The following METTL8 variants were observed in gnomAD, a reference collection of about 807,000 sequenced individuals.
METTL8 encodes the protein tRNA N(3)-cytidine methyltransferase METTL8, mitochondrial.
Under a neutral mutation model 48.7 loss-of-function variants are expected in METTL8, and 32 were observed. That is an observed-to-expected ratio of 0.66 (90% CI 0.50 to 0.88). The LOEUF (loss-of-function observed/expected upper bound fraction) is 0.88. Ranked by LOEUF, METTL8 falls within the 40% of genes least tolerant of loss-of-function variation. The pLI, the probability that METTL8 is intolerant of heterozygous loss-of-function variation, is 0.00. For missense variants in METTL8, 464 were observed against 474.4 expected, an observed-to-expected ratio of 0.98 and a Z score of 0.20; for synonymous variants, 136 against 157.1, an observed-to-expected ratio of 0.87 and a Z score of 1.01.
chr2:171,388,607 T>C (rs1477943449), intron 2 of METTL8, among the ~76,000 whole-genome samples: 1 of 152,242 alleles, frequency 6.6e-6, no homozygotes, highest in Admixed American at 6.5e-5. Context: ...CATTGTGCTA[T>C]GTACTGCAGG....
chr2:171,360,375 AG>A, intron 3 of METTL8, 46 bp downstream of exon 3: 9 of 1,530,012 alleles, frequency 5.9e-6, no homozygotes, highest in Non-Finnish European at 8.1e-6. Context: ...GAGGAGGAAA[AG>A]TCACTAAAGC....
At chr2:171,373,496 T>C (rs1214475787) in intron 2 of METTL8, among the ~76,000 whole-genome samples, 1 of 152,232 alleles carries the variant, frequency 6.6e-6, no homozygotes, top group African/African-American at 2.4e-5. Context: ...TAGATCACAT[T>C]TGTCAATTCT....
At position 171,320,288 on chromosome 2, in the gene METTL8, A is replaced by G. The variant is rs1301252125; in HGVS notation, c.*3884T>C. 1 of 152,134 alleles carries G rather than the reference A, an allele frequency of 6.6e-6. No homozygotes were observed. Among genetic ancestry groups the G allele is most frequent in the Non-Finnish European group, 1.5e-5 (1 of 68,034 alleles). 9.4% of individuals were successfully genotyped at this position (152,134 alleles called of 1,614,324 possible). ...CGCAGCCATGTGGAATAGGAAGGCT[A>G]TGCTGGACAGAGCCCAAAAGAGACC... is the stretch of plus-strand genomic sequence containing the variant. On this transcript the variant is annotated 3_prime_UTR_variant, in exon 10 of 10. Coordinates refer to ENST00000375258, the MANE Select transcript of METTL8 (RefSeq NM_001321154.2).
At chr2:171,417,228 A>C (rs1279930669) in intron 1 of METTL8, among the ~76,000 whole-genome samples, 2 of 152,216 alleles carry the variant, frequency 1.3e-5, no homozygotes, top group Non-Finnish European at 1.5e-5. Context: ...GGGATTCTCA[A>C]GTTCTGGTCC....
Position 171,322,944 on chromosome 2 carries a change from A to G in METTL8, c.*1228T>C, listed in dbSNP as rs1349674016. ...CATGGCATTTGTAAACTATCATGGCACTGGTGGGAGTGTAGCAGTGAGGAC... is the reference window on the plus strand; with the variant it reads ...CATGGCATTTGTAAACTATCATGGCGCTGGTGGGAGTGTAGCAGTGAGGAC... On this transcript the variant is annotated 3_prime_UTR_variant, in exon 10 of 10. Coordinates refer to ENST00000375258, the MANE Select transcript of METTL8 (RefSeq NM_001321154.2). The G allele has an allele frequency of 6.6e-6, 1 of 152,154 alleles. No homozygotes were observed. The highest frequency in any genetic ancestry group is 2.1e-4 in the South Asian group (1 of 4,830). 9.4% of individuals were successfully genotyped at this position (152,154 alleles called of 1,614,324 possible). A position where few individuals can be genotyped will look rare whatever the true frequency, so the allele number is the denominator to read the frequency against.
At chr2:171,391,867 A>C (rs1688609416) in intron 2 of METTL8, among the ~76,000 whole-genome samples, 176 bp downstream of exon 2, 1 of 152,230 alleles carries the variant, frequency 6.6e-6, no homozygotes, top group South Asian at 2.1e-4. Flanking sequence ...TTCCATTTGC[A>C]ATGAAATTCA....
At chr2:171,406,850 T>C (rs1450722300) in intron 1 of METTL8, among the ~76,000 whole-genome samples, 3 of 152,216 alleles carry the variant, frequency 2.0e-5, no homozygotes, top group South Asian at 4.2e-4. Context: ...TGTTAAGTAG[T>C]TGGATTAAAT....
intron 5 of METTL8, 46 bp downstream of exon 5, chr2:171,337,407 C>T (rs761643021): frequency 7.1e-7 from 1 of 1,412,138 alleles, no homozygotes; most frequent in Non-Finnish European, 9.7e-7. Context: ...TCTCAACATT[C>T]CATAAATATG....
chr2:171,396,086 A>T (rs1374350294), intron 1 of METTL8, among the ~76,000 whole-genome samples: 1 of 152,094 alleles, frequency 6.6e-6, no homozygotes, highest in African/African-American at 2.4e-5. Context: ...AGCCTGGCCA[A>T]CATGGTGAAA....
chr2:171,360,200 C>T (rs1305074856), intron 3 of METTL8, among the ~76,000 whole-genome samples: 1 of 152,104 alleles, frequency 6.6e-6, no homozygotes, highest in East Asian at 1.9e-4. Flanking sequence ...GTGTGTATCT[C>T]CCAGAAAAAG....
chr2:171,321,433 G>A lies in METTL8; in HGVS notation c.*2739C>T, dbSNP rs1684518727. On this transcript the variant is annotated 3_prime_UTR_variant, in exon 10 of 10. Transcript: ENST00000375258. Reference sequence around the variant, plus strand: ...TCACTGGCTAATTTTTGTATTTTTGGTAGAGATAGGGTTTTTCCCATGTTG... The same window carrying A: ...TCACTGGCTAATTTTTGTATTTTTGATAGAGATAGGGTTTTTCCCATGTTG... 2.0e-5 allele frequency: 3 copies of A among 152,124 alleles called. No homozygotes were observed. The highest frequency in any genetic ancestry group is 7.2e-5 in the African/African-American group (3 of 41,402). 9.4% of individuals were successfully genotyped at this position (152,124 alleles called of 1,614,324 possible). A position where few individuals can be genotyped will look rare whatever the true frequency, so the allele number is the denominator to read the frequency against.
chr2:171,434,444 C>T, upstream of METTL8: 1 of 1,459,182 alleles, frequency 6.9e-7, no homozygotes, highest in Non-Finnish European at 9.2e-7. Flanking sequence ...CCCGCCTCCC[C>T]GTGTCAGCTT....
intron 3 of METTL8, among the ~76,000 whole-genome samples, chr2:171,360,069 A>G (rs1157762572): frequency 6.6e-6 from 1 of 152,198 alleles, no homozygotes; most frequent in Non-Finnish European, 1.5e-5. Flanking sequence ...TCTTTGCTCA[A>G]AGTTTATAAA....
At chr2:171,363,796 A>ATATATG (rs1685417410) in intron 2 of METTL8, among the ~76,000 whole-genome samples, 1 of 117,400 alleles carries the variant, frequency 8.5e-6, no homozygotes, top group Non-Finnish European at 1.8e-5. Context: ...CAAATTTTAT[A>ATATATG]TATATATATA....
At chr2:171,428,437 C>T (rs1692636814) in intron 1 of METTL8, among the ~76,000 whole-genome samples, 2 of 151,870 alleles carry the variant, frequency 1.3e-5, no homozygotes, top group African/African-American at 4.8e-5. Flanking sequence ...GGGATGATCG[C>T]TTGAGCCCAG....
chr2:171,430,563 T>C (rs901971530), intron 1 of METTL8, among the ~76,000 whole-genome samples: 17 of 152,142 alleles, frequency 1.1e-4, no homozygotes, highest in African/African-American at 4.1e-4. Context: ...TAAGAAATTC[T>C]GCTATGGGTG....
chr2:171,359,915 G>A (rs887432269), intron 3 of METTL8, among the ~76,000 whole-genome samples: 3 of 152,052 alleles, frequency 2.0e-5, no homozygotes, highest in African/African-American at 7.2e-5. Context: ...TAGTAGCATA[G>A]GCCAATTTTT....
chr2:171,374,956 G>A, intron 2 of METTL8: 3 of 1,271,388 alleles, frequency 2.4e-6, no homozygotes, highest in South Asian at 1.2e-5. Flanking sequence ...TGGGGGACGT[G>A]GGGCAGCACC....
At chr2:171,326,508 T>G (rs1157198781) in intron 7 of METTL8, 1 of 174,592 alleles carries the variant, frequency 5.7e-6, no homozygotes, top group Non-Finnish European at 1.2e-5. Context: ...GTGTGCTTCA[T>G]TTTCCTTGCA....
Sources: gnomAD v4.1 joint callset for allele counts (sites outside exome capture counted in the v4.1 genomes callset) on GRCh38, gnomAD v4.1.1 for gene constraint, MANE v1.5 for transcripts, NCBI Gene and HGNC (gene_info 2026-07-23, HGNC 2026-07-21) for gene names.